DIAPH3: variants seen among roughly 807,000 people sequenced by gnomAD.
DIAPH3 encodes protein diaphanous homolog 3.
In DIAPH3, 117 loss-of-function variants were observed where a neutral mutation model predicts 144.3. The ratio of observed to expected loss-of-function variants is 0.81; its 90% CI spans 0.70 to 0.95. The LOEUF is 0.95. Among genes scored for constraint, DIAPH3 ranks in the 40% least tolerant of loss-of-function variants. The pLI, the probability that DIAPH3 is intolerant of heterozygous loss-of-function variation, is 0.00. For synonymous variants in DIAPH3, 519 were observed against 488.9 expected, an observed-to-expected ratio of 1.06 and a Z score of -0.81; for missense variants, 1,421 against 1,412.7, an observed-to-expected ratio of 1.01 and a Z score of -0.09.
At chr13:59,839,496 A>G in intron 22 of DIAPH3, 48 bp from the exon 23 acceptor site, 1 of 1,585,196 alleles carries the variant, frequency 6.3e-7, no homozygotes, top group Non-Finnish European at 8.6e-7. Flanking sequence ...ATTATAATAT[A>G]TAAAAGGTAA....
At chr13:59,770,016 A>T (rs1010948598) in intron 27 of DIAPH3, among the ~76,000 whole-genome samples, 1 of 152,048 alleles carries the variant, frequency 6.6e-6, no homozygotes, top group African/African-American at 2.4e-5. Flanking sequence ...TGACTAAGGG[A>T]AAGATATTTA....
intron 27 of DIAPH3, among the ~76,000 whole-genome samples, chr13:59,677,169 A>G (rs1378470944): frequency 1.3e-5 from 2 of 152,094 alleles, no homozygotes; most frequent in Non-Finnish European, 2.9e-5. Context: ...GCATGGCATG[A>G]TTTTATTACC....
At chr13:59,873,649 AT>A (rs1168896053) in intron 21 of DIAPH3, among the ~76,000 whole-genome samples, 3 of 148,300 alleles carry the variant, frequency 2.0e-5, no homozygotes, top group African/African-American at 7.5e-5. Context: ...AAAAGCAGCA[AT>A]TTTTGAAAAT....
intron 23 of DIAPH3, among the ~76,000 whole-genome samples, chr13:59,835,601 G>A (rs983453841): frequency 2.0e-5 from 3 of 151,750 alleles, no homozygotes; most frequent in African/African-American, 4.8e-5. Flanking sequence ...AGTCTGCTAA[G>A]AAGGAATTAA....
chr13:60,135,115 T>C (rs182781814), intron 1 of DIAPH3, among the ~76,000 whole-genome samples: 2 of 151,988 alleles, frequency 1.3e-5, no homozygotes, highest in Non-Finnish European at 2.9e-5. Context: ...AGAGAAACAC[T>C]TATATACTGT....
At chr13:59,965,960 A>C (rs554798225) in intron 17 of DIAPH3, among the ~76,000 whole-genome samples, 1 of 152,296 alleles carries the variant, frequency 6.6e-6, no homozygotes, top group African/African-American at 2.4e-5. Context: ...AAAAAGAAAA[A>C]ACATAATCTG....
At chr13:59,783,794 G>A (rs1165957692) in intron 25 of DIAPH3, among the ~76,000 whole-genome samples, 1 of 152,156 alleles carries the variant, frequency 6.6e-6, no homozygotes, top group Non-Finnish European at 1.5e-5. Context: ...AGGGTGCCTG[G>A]CTCATATTAA....
At chr13:59,709,501 C>T (rs903505333) in intron 27 of DIAPH3, among the ~76,000 whole-genome samples, 1 of 152,110 alleles carries the variant, frequency 6.6e-6, no homozygotes, top group Non-Finnish European at 1.5e-5. Context: ...AAAATGCTCA[C>T]CATCACTGGC....
At chr13:60,146,303 T>C (rs2138355094) in intron 1 of DIAPH3, among the ~76,000 whole-genome samples, 1 of 152,306 alleles carries the variant, frequency 6.6e-6, no homozygotes, top group East Asian at 1.9e-4. Context: ...ATATGGTACC[T>C]GCCCTGAAGA....
intron 2 of DIAPH3, among the ~76,000 whole-genome samples, chr13:60,129,357 T>C (rs2059077262): frequency 6.6e-6 from 1 of 152,232 alleles, no homozygotes. Flanking sequence ...CTGCACTTTA[T>C]ACAAAGAGAA....
intron 22 of DIAPH3, among the ~76,000 whole-genome samples, chr13:59,859,967 T>C (rs1489297870): frequency 1.3e-5 from 2 of 152,190 alleles, no homozygotes; most frequent in East Asian, 3.9e-4. Context: ...AGTAATTCAA[T>C]AATTCATTGG....
chr13:60,089,702 G>C (rs2057868012), intron 4 of DIAPH3, among the ~76,000 whole-genome samples: 1 of 152,222 alleles, frequency 6.6e-6, no homozygotes, highest in African/African-American at 2.4e-5. Flanking sequence ...CTTCTTAAAA[G>C]ACATTTTCTC....
At chr13:59,695,495 C>T (rs777564237) in intron 27 of DIAPH3, 7 of 152,194 alleles carry the variant, frequency 4.6e-5, no homozygotes, top group Non-Finnish European at 5.9e-5. Flanking sequence ...TAATACAATG[C>T]ACAAAGCACA....
chr13:59,719,913 C>G (rs541775449), intron 27 of DIAPH3, among the ~76,000 whole-genome samples: 1 of 152,070 alleles, frequency 6.6e-6, no homozygotes, highest in East Asian at 1.9e-4. Flanking sequence ...GTATAAAAGT[C>G]AATGATAACT....
chr13:59,797,097 T>C (rs911264970), intron 25 of DIAPH3, among the ~76,000 whole-genome samples: 4 of 152,136 alleles, frequency 2.6e-5, no homozygotes, highest in East Asian at 1.9e-4. Context: ...AATAGCAATA[T>C]TGTATATAAT....
chr13:59,936,707 T>C (rs956548886), intron 17 of DIAPH3, among the ~76,000 whole-genome samples: 1 of 152,170 alleles, frequency 6.6e-6, no homozygotes, highest in Non-Finnish European at 1.5e-5. Flanking sequence ...TCTAACATCA[T>C]CTATCTTGGC....
chr13:59,840,594 T>C (rs2042286088), intron 22 of DIAPH3, among the ~76,000 whole-genome samples: 1 of 152,162 alleles, frequency 6.6e-6, no homozygotes, highest in Admixed American at 6.5e-5. Context: ...ACATTTGGTA[T>C]TCTGACATTA....
At chr13:59,749,129 G>A (rs374312794) in intron 27 of DIAPH3, among the ~76,000 whole-genome samples, 4 of 144,830 alleles carry the variant, frequency 2.8e-5, no homozygotes, top group East Asian at 4.1e-4. Flanking sequence ...CAGGAGAATC[G>A]CTTGTGCCCG....
At chr13:60,024,110 C>T (rs866893679) in intron 5 of DIAPH3, among the ~76,000 whole-genome samples, 2 of 152,178 alleles carry the variant, frequency 1.3e-5, no homozygotes, top group South Asian at 2.1e-4. Context: ...CCGCCTCAGC[C>T]TCCCAAAGTG....
Sources: gnomAD v4.1 joint callset for allele counts (sites outside exome capture counted in the v4.1 genomes callset) on GRCh38, gnomAD v4.1.1 for gene constraint, MANE v1.5 for transcripts, NCBI Gene and HGNC (gene_info 2026-07-23, HGNC 2026-07-21) for gene names.